Variants in DENND4C observed in about 807,000 individuals in gnomAD.
DENND4C encodes the protein DENN domain-containing protein 4C.
A neutral mutation model predicts 203.0 loss-of-function variants in DENND4C; 108 were observed. The ratio of observed to expected loss-of-function variants is 0.53; its 90% CI spans 0.46 to 0.62. The LOEUF is 0.62. DENND4C is among the 20% of genes least tolerant of loss of function. The pLI, the probability that DENND4C is intolerant of heterozygous loss-of-function variation, is 0.00. For synonymous variants in DENND4C, 871 were observed against 792.4 expected (o/e 1.10, Z -1.67); for missense variants, 2,481 against 2,301.2 (o/e 1.08, Z -1.60).
Position 19,324,448 on chromosome 9 carries a change from T to G in DENND4C, c.1894T>G (p.Cys632Gly). The G allele has an allele frequency of 6.2e-7, 1 of 1,613,078 alleles. No homozygotes were observed. Residue 632 changes from cysteine (C) to glycine (G), a missense_variant, in exon 13 of 33, where the codon TGC becomes GGC. Physicochemically the swap from Cys to Gly is radical, Grantham distance 159. Transcript: ENST00000434457. Reference sequence around the variant, plus strand: ...GATTTTTATTCGTTTCATTGAAGAATGCAGTTTTGTAAGTGATAAAGATAC... The same window carrying G: ...GATTTTTATTCGTTTCATTGAAGAAGGCAGTTTTGTAAGTGATAAAGATAC... Reference protein sequence around the residue: ...TQIFIRFIEECSFVSDKDTGL... With the variant: ...TQIFIRFIEEGSFVSDKDTGL...
chr9:19,336,334 G>A lies in DENND4C; in HGVS notation c.2654G>A (p.Arg885Gln), dbSNP rs148619415. The A allele has an allele frequency of 1.7e-5, 28 of 1,614,018 alleles. No individual in the cohort carries two copies. Among genetic ancestry groups the A allele is most frequent in the South Asian group, 3.3e-5 (3 of 91,066 alleles). Residue 885 changes from arginine (R) to glutamine (Q), a missense_variant, in exon 19 of 33, where the codon CGG becomes CAG. By Grantham distance (43) the Arg-to-Gln change is conservative (BLOSUM62 1). Transcript: ENST00000434457. The stretch of plus-strand genomic sequence containing the variant: ...GGTATTTTCTTATGGACGAAGGTAC[G>A]GAATGTGGTACGTGGCTTGGCACAG... ...RSGIFLWTKV[R>Q]NVVRGLAQFR...
intron 1 of DENND4C, among the ~76,000 whole-genome samples, chr9:19,270,505 T>G (rs1178475304): frequency 6.6e-6 from 1 of 152,222 alleles, no homozygotes; most frequent in Non-Finnish European, 1.5e-5. Flanking sequence ...GGTTTTTCTA[T>G]TTTGTAACAT....
chr9:19,324,301 T>C, intron 12 of DENND4C, 61 bp from the exon 13 acceptor site: 1 of 1,304,270 alleles, frequency 7.7e-7, no homozygotes, highest in Non-Finnish European at 1.1e-6. Context: ...AAGTTTAATG[T>C]TTCCTATAAT....
At chr9:19,345,865 A>G in intron 22 of DENND4C, 56 bp from the exon 23 acceptor site, 1 of 1,401,884 alleles carries the variant, frequency 7.1e-7, no homozygotes, top group South Asian at 1.4e-5. Flanking sequence ...TAAATATTTT[A>G]ATAAAAGTTA....
chr9:19,299,407 A>T, intron 8 of DENND4C, 120 bp downstream of exon 8: 1 of 670,036 alleles, frequency 1.5e-6, no homozygotes, highest in Non-Finnish European at 2.2e-6. Context: ...TAACTTTATT[A>T]GTTAAAACTA....
At chr9:19,274,396 A>G (rs1421785371) in intron 1 of DENND4C, among the ~76,000 whole-genome samples, 1 of 151,410 alleles carries the variant, frequency 6.6e-6, no homozygotes. Context: ...ACCGGGTTCA[A>G]GCGATTCTCC....
intron 12 of DENND4C, among the ~76,000 whole-genome samples, chr9:19,322,604 C>T (rs370072878): frequency 1.3e-5 from 2 of 151,678 alleles, no homozygotes; most frequent in East Asian, 1.9e-4. Flanking sequence ...GGCGTGGTGG[C>T]GGGCGCCTGT....
At chr9:19,316,388 A>AT (rs1219395238) in intron 10 of DENND4C, 29 bp from the exon 11 acceptor site, 2 of 1,566,638 alleles carry the variant, frequency 1.3e-6, no homozygotes, top group African/African-American at 2.7e-5. Context: ...TGAATAACAC[A>AT]TTTTATGAAT....
rs1828965826 is a variant in DENND4C, at chr9:19,372,180, A to T, written c.*7A>T. ...TGGAGCGCCTCTCATTTAAATAGAG[A>T]TTCACTAGAATGTTGACACACAAGG... On this transcript the variant is annotated 3_prime_UTR_variant, in exon 33 of 33. Coordinates refer to ENST00000434457, the MANE Select transcript of DENND4C (RefSeq NM_001330640.2). The T allele has an allele frequency of 6.2e-7, 1 of 1,603,170 alleles. No homozygotes were observed. The highest frequency in any genetic ancestry group is 1.3e-5 in the African/African-American group (1 of 74,452).
intron 1 of DENND4C, among the ~76,000 whole-genome samples, chr9:19,249,714 C>A (rs1167675943): frequency 2.6e-5 from 4 of 152,060 alleles, no homozygotes; most frequent in Non-Finnish European, 5.9e-5. Flanking sequence ...TGACATGGGG[C>A]CTTGCTGTTT....
chr9:19,346,545 A>G lies in DENND4C; in HGVS notation c.3776A>G (p.Glu1259Gly). 6.2e-7 allele frequency: 1 copy of G among 1,614,162 alleles called. No individual in the cohort carries two copies. Among genetic ancestry groups the G allele is most frequent in the South Asian group, 1.1e-5 (1 of 91,078 alleles). The change falls in exon 23 of 33, where the codon GAA (glutamate) becomes GGA (glycine). Residue 1259 changes from glutamate to glycine, a missense_variant. By Grantham distance (98) the Glu-to-Gly change is moderately conservative. Coordinates refer to ENST00000434457, the MANE Select transcript of DENND4C (RefSeq NM_001330640.2). Reference protein sequence around the residue: ...GLDPLSLLATECTGGKTPDSE... With the variant: ...GLDPLSLLATGCTGGKTPDSE... ...GATCCTTTGTCTCTTTTAGCCACTG[A>G]ATGTACAGGAGGAAAAACTCCTGAT...
At chr9:19,262,743 T>A (rs1479612996) in intron 1 of DENND4C, among the ~76,000 whole-genome samples, 1 of 150,808 alleles carries the variant, frequency 6.6e-6, no homozygotes, top group East Asian at 2.0e-4. Flanking sequence ...CATTTTTGTA[T>A]TTTTTGGTAG....
chr9:19,347,818 A>G (rs1252126868), intron 23 of DENND4C, among the ~76,000 whole-genome samples: 1 of 152,218 alleles, frequency 6.6e-6, no homozygotes, highest in Non-Finnish European at 1.5e-5. Context: ...AATAATTTTT[A>G]CCTATGTAAT....
chr9:19,366,260 C>G (rs1048193454), intron 30 of DENND4C, among the ~76,000 whole-genome samples: 1 of 152,150 alleles, frequency 6.6e-6, no homozygotes, highest in African/African-American at 2.4e-5. Flanking sequence ...GAAATAAACC[C>G]TCACATGTAT....
At chr9:19,259,499 TTTTTTC>T (rs1163724934) in intron 1 of DENND4C, among the ~76,000 whole-genome samples, 3 of 142,904 alleles carry the variant, frequency 2.1e-5, no homozygotes, top group Non-Finnish European at 3.1e-5. Context: ...TTTTCTTTTC[TTTTTTC>T]TTTTTTTTTT....
chr9:19,234,535 T>TG (rs1485276132), intron 1 of DENND4C, among the ~76,000 whole-genome samples: 3 of 148,370 alleles, frequency 2.0e-5, no homozygotes, highest in East Asian at 2.0e-4. Flanking sequence ...TGGCTGTTTT[T>TG]TTTTTTTTTT....
chr9:19,269,310 G>A (rs778594632), intron 1 of DENND4C, among the ~76,000 whole-genome samples: 55 of 151,984 alleles, frequency 3.6e-4, no homozygotes, highest in Admixed American at 3.0e-3. Context: ...ACAGGTGCCC[G>A]CTACCATGCC....
chr9:19,268,474 C>T (rs913848390), intron 1 of DENND4C, among the ~76,000 whole-genome samples: 4 of 152,090 alleles, frequency 2.6e-5, no homozygotes, highest in Admixed American at 2.6e-4. Flanking sequence ...ACCAGAATTA[C>T]GGTGTTAATA....
chr9:19,329,555 G>A (rs1818613952), intron 16 of DENND4C, among the ~76,000 whole-genome samples: 1 of 152,064 alleles, frequency 6.6e-6, no homozygotes, highest in Non-Finnish European at 1.5e-5. Context: ...TTTCTTTGGG[G>A]TATATATCTA....
Sources: gnomAD v4.1 joint callset for allele counts (sites outside exome capture counted in the v4.1 genomes callset) on GRCh38, gnomAD v4.1.1 for gene constraint, MANE v1.5 for transcripts, NCBI Gene and HGNC (gene_info 2026-07-23, HGNC 2026-07-21) for gene names.